GLRX3: variants seen among roughly 807,000 people sequenced by gnomAD.
GLRX3 encodes the protein glutaredoxin-3.
GLRX3 carries 22 observed loss-of-function variants against 49.5 expected under a neutral mutation model. The ratio of observed to expected loss-of-function variants is 0.44; its 90% CI spans 0.32 to 0.63. The LOEUF is 0.63. Ranked by LOEUF, GLRX3 falls within the 30% of genes least tolerant of loss-of-function variation. GLRX3 has a pLI of 0.05. For synonymous variants in GLRX3, 133 were observed against 140.0 expected (o/e 0.95, Z 0.35); for missense variants, 385 against 396.3 (o/e 0.97, Z 0.24).
intron 5 of GLRX3, 64 bp downstream of exon 5, chr10:130,166,743 TGTGATAAATC>T: frequency 8.4e-7 from 1 of 1,196,214 alleles, no homozygotes; most frequent in South Asian, 1.3e-5. Flanking sequence ...TTTAAAATGT[TGTGATAAATC>T]TAAGATACAA....
chr10:130,159,826 G>T, intron 2 of GLRX3, 169 bp from the exon 3 acceptor site: 2 of 1,359,616 alleles, frequency 1.5e-6, no homozygotes, highest in Non-Finnish European at 1.9e-6. Flanking sequence ...TGGATGACAT[G>T]CCAGCCCAGT....
chr10:130,157,805 G>A (rs1398784140), intron 2 of GLRX3, among the ~76,000 whole-genome samples: 1 of 151,970 alleles, frequency 6.6e-6, no homozygotes, highest in Admixed American at 6.6e-5. Flanking sequence ...AGGGTAGGTC[G>A]CCCATGAATG....
chr10:130,167,062 T>C (rs1299351019), intron 6 of GLRX3, 82 bp downstream of exon 6: 1 of 676,136 alleles, frequency 1.5e-6, no homozygotes, highest in Non-Finnish European at 2.4e-6. Context: ...TGCATTGCTC[T>C]TTCTGTGTAG....
intron 1 of GLRX3, among the ~76,000 whole-genome samples, chr10:130,139,726 G>A (rs1862138697): frequency 6.6e-6 from 1 of 151,680 alleles, no homozygotes; most frequent in Non-Finnish European, 1.5e-5. Flanking sequence ...GAGGCCAGGA[G>A]TTTGAGAGTA....
intron 10 of GLRX3, among the ~76,000 whole-genome samples, chr10:130,176,792 CTATATA>C (rs371839893): frequency 7.6e-6 from 1 of 131,222 alleles, no homozygotes; most frequent in African/African-American, 2.9e-5. Context: ...CTCTCTCTCT[CTATATA>C]TATATATATA....
At chr10:130,146,128 G>T (rs1355826617) in intron 2 of GLRX3, among the ~76,000 whole-genome samples, 2 of 152,212 alleles carry the variant, frequency 1.3e-5, no homozygotes, top group Non-Finnish European at 2.9e-5. Context: ...CGGGTGTGAG[G>T]CATGACTACC....
At chr10:130,177,182 C>G (rs1862939725) in intron 10 of GLRX3, among the ~76,000 whole-genome samples, 2 of 152,222 alleles carry the variant, frequency 1.3e-5, no homozygotes, top group South Asian at 2.1e-4. Context: ...TCTGGCTGGC[C>G]TCTTTGGAGC....
intron 1 of GLRX3, among the ~76,000 whole-genome samples, chr10:130,138,238 G>T (rs1403720386): frequency 1.3e-5 from 2 of 151,870 alleles, no homozygotes; most frequent in African/African-American, 4.8e-5. Context: ...TGTATTTTTC[G>T]TAGAGGCAGG....
chr10:130,168,563 G>A (rs1044829632), intron 6 of GLRX3, among the ~76,000 whole-genome samples: 2 of 152,182 alleles, frequency 1.3e-5, no homozygotes, highest in African/African-American at 4.8e-5. Context: ...TCCTGCCTCA[G>A]CCTCCCGGGT....
rs202003788 is a variant in GLRX3 at position 130,161,461 on chromosome 10, G to A, written c.478+464G>A. ...ATTTGCGGAATTTTTCAGTGTTTTTGTGTCCAGCCTGTGTGCTTTTGCCTC... is the reference window on the plus strand; with the variant it reads ...ATTTGCGGAATTTTTCAGTGTTTTTATGTCCAGCCTGTGTGCTTTTGCCTC... On this transcript the variant is annotated intron_variant, in intron 4 of 10. Coordinates refer to ENST00000331244, the MANE Select transcript of GLRX3 (RefSeq NM_006541.5). Among the ~76,000 whole-genome samples, 12 of 152,210 alleles carry A rather than the reference G, an allele frequency of 7.9e-5. No individual in the cohort carries two copies. In the East Asian group the frequency reaches 2.1e-3, roughly 27 times the overall value.
intron 2 of GLRX3, among the ~76,000 whole-genome samples, chr10:130,148,199 C>T (rs983158193): frequency 6.6e-6 from 1 of 152,000 alleles, no homozygotes; most frequent in Non-Finnish European, 1.5e-5. Context: ...GTGCAGTGAT[C>T]TTGGCTCACT....
chr10:130,156,965 A>G (rs1344012973), intron 2 of GLRX3, among the ~76,000 whole-genome samples: 1 of 152,234 alleles, frequency 6.6e-6, no homozygotes, highest in Non-Finnish European at 1.5e-5. Flanking sequence ...TAACCATAGT[A>G]TAGTGAAAAA....
At chr10:130,142,594 C>G (rs999422946) in intron 1 of GLRX3, among the ~76,000 whole-genome samples, 2 of 152,204 alleles carry the variant, frequency 1.3e-5, no homozygotes, top group African/African-American at 2.4e-5. Flanking sequence ...GTCTTTTTCT[C>G]TGCCTGTACA....
chr10:130,169,442 G>T lies in GLRX3; in HGVS notation c.723G>T (p.Val241=), dbSNP rs756484739. 1 of 1,609,410 alleles carries T rather than the reference G, an allele frequency of 6.2e-7. No individual in the cohort carries two copies. Among genetic ancestry groups the T allele is most frequent in the Admixed American group, 1.7e-5 (1 of 60,014 alleles). ...KAPKLEERLK[V]LTNKASVMLF... ...AATTTTCTCTCTTTAGGCTCAAAGT[G>T]CTGACAAATAAAGCTTCTGTGATGC... is the stretch of plus-strand genomic sequence containing the variant. The change falls in exon 7 of 11, where the codon GTG becomes GTT. Residue 241 remains valine, a synonymous_variant. Coordinates refer to ENST00000331244, the MANE Select transcript of GLRX3 (RefSeq NM_006541.5).
intron 1 of GLRX3, among the ~76,000 whole-genome samples, chr10:130,143,035 A>G (rs891089615): frequency 6.6e-6 from 1 of 152,174 alleles, no homozygotes; most frequent in Admixed American, 6.5e-5. Flanking sequence ...TAGACATCAT[A>G]CTAACAACCC....
intron 7 of GLRX3, among the ~76,000 whole-genome samples, chr10:130,170,404 TTAACA>T (rs1410446366): frequency 2.6e-5 from 4 of 152,186 alleles, no homozygotes; most frequent in Admixed American, 6.5e-5. Flanking sequence ...AGTGTATAAG[TTAACA>T]TAACTAGTAT....
At chr10:130,163,794 G>T (rs982627879) in intron 4 of GLRX3, among the ~76,000 whole-genome samples, 4 of 152,130 alleles carry the variant, frequency 2.6e-5, no homozygotes, top group Admixed American at 2.0e-4. Context: ...CTCTTCTTCT[G>T]GCATTTTAGA....
intron 2 of GLRX3, among the ~76,000 whole-genome samples, chr10:130,149,240 A>G (rs149233150): frequency 6.6e-6 from 1 of 152,122 alleles, no homozygotes; most frequent in Non-Finnish European, 1.5e-5. Context: ...AAAGGAGTTC[A>G]AGACCAGCTT....
intron 2 of GLRX3, among the ~76,000 whole-genome samples, chr10:130,153,244 T>C (rs1195475858): frequency 6.6e-6 from 1 of 152,218 alleles, no homozygotes; most frequent in Non-Finnish European, 1.5e-5. Flanking sequence ...AGTTAGAACA[T>C]GCTCCTTTAG....
Sources: gnomAD v4.1 joint callset for allele counts (sites outside exome capture counted in the v4.1 genomes callset) on GRCh38, gnomAD v4.1.1 for gene constraint, MANE v1.5 for transcripts, NCBI Gene and HGNC (gene_info 2026-07-23, HGNC 2026-07-21) for gene names.